Variants in TENT5D observed in about 807,000 individuals in gnomAD.
The protein encoded by TENT5D is terminal nucleotidyltransferase 5D, also known as cancer/testis antigen 112.
For synonymous variants in TENT5D, 103 were observed against 100.6 expected, an observed-to-expected ratio of 1.02 and a Z score of -0.15; for missense variants, 191 against 287.0, an observed-to-expected ratio of 0.67 and a Z score of 2.42.
At chrX:80,352,906 T>C (rs1930215187) in intron 3 of TENT5D, among the ~76,000 whole-genome samples, 1 of 110,161 alleles carries the variant, frequency 9.1e-6, no homozygotes, top group Admixed American at 9.7e-5. Flanking sequence ...CAGTCTCTCA[T>C]GGCTTCCCTT....
At chrX:80,382,777 C>T (rs1338774920) in intron 3 of TENT5D, among the ~76,000 whole-genome samples, 2 of 111,595 alleles carry the variant, frequency 1.8e-5, no homozygotes, top group Non-Finnish European at 3.8e-5. Context: ...AGCAAGGCTC[C>T]GTGGACGTGG....
intron 3 of TENT5D, among the ~76,000 whole-genome samples, chrX:80,398,917 C>T (rs778179976): frequency 4.5e-4 from 50 of 111,577 alleles, no homozygotes; most frequent in African/African-American, 1.4e-3. Flanking sequence ...AAAATAACAA[C>T]GTTGCATGTA....
chrX:80,405,640 C>G (rs1931472123), intron 3 of TENT5D, among the ~76,000 whole-genome samples: 1 of 111,825 alleles, frequency 8.9e-6, no homozygotes, highest in South Asian at 3.8e-4. Flanking sequence ...GCACAGCAGT[C>G]TGAGATCAAA....
chrX:80,379,780 T>C (rs1602198351), intron 3 of TENT5D, among the ~76,000 whole-genome samples: 1 of 111,131 alleles, frequency 9.0e-6, no homozygotes, highest in East Asian at 2.9e-4. Context: ...TGGTAGTTTG[T>C]ATTTCTGTGG....
intron 3 of TENT5D, among the ~76,000 whole-genome samples, chrX:80,354,185 G>C (rs1478265087): frequency 9.0e-6 from 1 of 111,135 alleles, no homozygotes; most frequent in Non-Finnish European, 1.9e-5. Context: ...TATGTGTCTT[G>C]GGGACAGTCG....
chrX:80,348,249 A>G (rs934072629), intron 3 of TENT5D, among the ~76,000 whole-genome samples: 1 of 112,067 alleles, frequency 8.9e-6, no homozygotes, highest in African/African-American at 3.2e-5. Flanking sequence ...TCTGTAAATT[A>G]CTTTGGTCAG....
chrX:80,401,382 C>G (rs1340852205), intron 3 of TENT5D, among the ~76,000 whole-genome samples: 1 of 111,436 alleles, frequency 9.0e-6, no homozygotes, highest in Non-Finnish European at 1.9e-5. Context: ...ACCTCTTTTC[C>G]TGTTTAGATG....
At chrX:80,384,374 G>C (rs1342929431) in intron 3 of TENT5D, among the ~76,000 whole-genome samples, 1 of 28,739 alleles carries the variant, frequency 3.5e-5, no homozygotes, top group Non-Finnish European at 7.0e-5. Context: ...AAATTCAACA[G>C]CCCTTCATGC....
At chrX:80,399,486 A>G (rs1602208159) in intron 3 of TENT5D, among the ~76,000 whole-genome samples, 1 of 111,809 alleles carries the variant, frequency 8.9e-6, no homozygotes, top group East Asian at 2.8e-4. Flanking sequence ...GGCTAGTGCC[A>G]TGCTGTTTTA....
chrX:80,405,299 G>C (rs1931462203), intron 3 of TENT5D, among the ~76,000 whole-genome samples: 1 of 112,773 alleles, frequency 8.9e-6, no homozygotes, highest in Admixed American at 9.3e-5. Flanking sequence ...CCCAGTGTGA[G>C]CAACACAGAA....
At chrX:80,422,238 G>A (rs760352806) in intron 1 of TENT5D, among the ~76,000 whole-genome samples, 116 of 111,131 alleles carry the variant, frequency 1.0e-3, no homozygotes, top group African/African-American at 3.5e-3. Flanking sequence ...ACTTTGGGGG[G>A]CTGAGGTGGG....
rs770860237 is a variant in TENT5D, at chrX:80,434,741, A to T, written c.-141-3869A>T. On this transcript the variant is annotated intron_variant, in intron 1 of 2. Coordinates refer to ENST00000308293, the Ensembl canonical transcript of TENT5D. ...TGAAAATGACTAATACTATAAGTGA[A>T]CAGTTATTGAGAACTCTCTTCTGAA... Among the ~76,000 whole-genome samples, 3 of 109,804 alleles carry T rather than the reference A, an allele frequency of 2.7e-5. No homozygotes were observed. The South Asian group carries it at 1.1e-3, about 42-fold the overall frequency.
chrX:80,382,257 A>G (rs1323778864), intron 3 of TENT5D, among the ~76,000 whole-genome samples: 1 of 111,676 alleles, frequency 9.0e-6, no homozygotes, highest in Non-Finnish European at 1.9e-5. Flanking sequence ...TCCACTCCAG[A>G]CCCTGTTTGC....
At chrX:80,347,911 A>G (rs757382301) in intron 3 of TENT5D, among the ~76,000 whole-genome samples, 25 of 111,826 alleles carry the variant, frequency 2.2e-4, no homozygotes, top group Middle Eastern at 9.2e-3. Flanking sequence ...TTTTCCCAGC[A>G]CCATTTATTA....
chrX:80,419,690 T>C (rs1349231803), upstream of TENT5D, among the ~76,000 whole-genome samples: 2 of 112,528 alleles, frequency 1.8e-5, no homozygotes, highest in Non-Finnish European at 3.7e-5. Context: ...AAAACAATTA[T>C]ACTTATCAAC....
chrX:80,386,646 A>G (rs1931018201), intron 3 of TENT5D, among the ~76,000 whole-genome samples: 1 of 112,174 alleles, frequency 8.9e-6, no homozygotes, highest in Non-Finnish European at 1.9e-5. Flanking sequence ...CGTTATTAAT[A>G]AAGATAACTC....
At chrX:80,375,083 G>A (rs1219134504) in intron 3 of TENT5D, among the ~76,000 whole-genome samples, 1 of 111,038 alleles carries the variant, frequency 9.0e-6, no homozygotes, top group African/African-American at 3.3e-5. Context: ...TTCCATTTCT[G>A]TTCTTTCATT....
chrX:80,345,425 C>G (rs1040772272), intron 3 of TENT5D, among the ~76,000 whole-genome samples: 5 of 111,354 alleles, frequency 4.5e-5, no homozygotes, highest in African/African-American at 1.6e-4. Context: ...CTGGCAAATT[C>G]CTTTTGGAGT....
At chrX:80,337,044 A>G (rs909424763) in intron 2 of TENT5D, among the ~76,000 whole-genome samples, 2 of 111,861 alleles carry the variant, frequency 1.8e-5, no homozygotes, top group African/African-American at 6.5e-5. Context: ...CGAGGTTTAT[A>G]TTTTTCTTAA....
Sources: allele counts gnomAD v4.1 joint callset (sites outside exome capture counted in the v4.1 genomes callset), GRCh38; gene constraint gnomAD v4.1.1; transcripts MANE v1.5; gene names NCBI Gene and HGNC (gene_info 2026-07-23, HGNC 2026-07-21).